The following RAB22A variants were observed in gnomAD, a reference collection of about 807,000 sequenced individuals.
RAB22A encodes RAB22A, member RAS oncogene family.
RAB22A carries 13 observed loss-of-function variants against 30.2 expected under a neutral mutation model. That is an observed-to-expected ratio of 0.43 (90% CI 0.28 to 0.68). The LOEUF (loss-of-function observed/expected upper bound fraction) is 0.68. RAB22A is among the 30% of genes least tolerant of loss of function. The probability of loss-of-function intolerance (pLI) is 0.18; values close to 1 mark genes in which losing one functional copy is unlikely to be tolerated. For missense variants in RAB22A, 177 were observed against 246.8 expected, an observed-to-expected ratio of 0.72 and a Z score of 1.89; for synonymous variants, 89 against 87.2, an observed-to-expected ratio of 1.02 and a Z score of -0.11.
intron 2 of RAB22A, among the ~76,000 whole-genome samples, chr20:58,324,371 A>G (rs1462286670): frequency 1.3e-5 from 2 of 152,068 alleles, no homozygotes; most frequent in African/African-American, 4.8e-5. Context: ...AAAGATGTTA[A>G]GATTCTATAC....
At chr20:58,327,806 C>T (rs1404760557) in intron 2 of RAB22A, among the ~76,000 whole-genome samples, 2 of 152,110 alleles carry the variant, frequency 1.3e-5, no homozygotes, top group Non-Finnish European at 2.9e-5. Flanking sequence ...CATTGATAAA[C>T]GTTTGACAAA....
At chr20:58,312,274 G>A (rs1002503646) in intron 2 of RAB22A, among the ~76,000 whole-genome samples, 14 of 145,890 alleles carry the variant, frequency 9.6e-5, no homozygotes, top group African/African-American at 2.3e-4. Flanking sequence ...AATATTTTTT[G>A]TCTGCTTTTT....
chr20:58,335,530 C>T (rs1321337761), intron 2 of RAB22A, among the ~76,000 whole-genome samples: 1 of 151,998 alleles, frequency 6.6e-6, no homozygotes, highest in African/African-American at 2.4e-5. Flanking sequence ...GTATGTATTG[C>T]CATCTGTGTT....
At position 58,363,556 on chromosome 20, in the gene RAB22A, T is replaced by C. The variant is rs376734017; in HGVS notation, c.*3853T>C. 9.8e-5 allele frequency: 15 copies of C among 152,354 alleles called. No homozygotes were observed. In the East Asian group the frequency reaches 2.9e-3, roughly 29 times the overall value. 9.4% of individuals were successfully genotyped at this position (152,354 alleles called of 1,614,324 possible). On this transcript the variant is annotated 3_prime_UTR_variant, in exon 7 of 7. Transcript: ENST00000244040. ...AACCTCACTGGGCTATAAATGTTCC[T>C]TCTAACTCTGTAATGAAAGTTCAGT...
rs879064296 is a variant in RAB22A, at chr20:58,311,031, G to A, written c.37-12G>A. On this transcript the variant is annotated splice_polypyrimidine_tract_variant and intron_variant, in intron 1 of 6. Coordinates refer to ENST00000244040, the MANE Select transcript of RAB22A (RefSeq NM_020673.3). ...AAACTTTTTCTCAGTCCCTCATCTC[G>A]TTCTCTTTCAGGATACAGGTGTAGG... is the stretch of plus-strand genomic sequence containing the variant. 2 of 1,586,132 alleles carry A rather than the reference G, an allele frequency of 1.3e-6. No homozygotes were observed. The highest frequency in any genetic ancestry group is 2.2e-5 in the East Asian group (1 of 44,738).
At chr20:58,349,544 G>C (rs1449895517) in intron 3 of RAB22A, among the ~76,000 whole-genome samples, 1 of 152,144 alleles carries the variant, frequency 6.6e-6, no homozygotes, top group Non-Finnish European at 1.5e-5. Context: ...AGCTGGCAAG[G>C]GTGACAAGAC....
At chr20:58,327,614 G>A (rs763423520) in intron 2 of RAB22A, among the ~76,000 whole-genome samples, 4 of 152,204 alleles carry the variant, frequency 2.6e-5, no homozygotes, top group Non-Finnish European at 5.9e-5. Flanking sequence ...ATCTACCATG[G>A]CTTCTGTTCA....
At chr20:58,325,045 C>T (rs1156411930) in intron 2 of RAB22A, among the ~76,000 whole-genome samples, 1 of 145,946 alleles carries the variant, frequency 6.9e-6, no homozygotes, top group Non-Finnish European at 1.5e-5. Context: ...TGTGGTGGTG[C>T]GTGCGCCTGT....
At chr20:58,355,499 G>T (rs964362824) in intron 6 of RAB22A, among the ~76,000 whole-genome samples, 2 of 152,128 alleles carry the variant, frequency 1.3e-5, no homozygotes, top group East Asian at 3.8e-4. Context: ...GCACCCTCTA[G>T]GCCAGCCCGT....
chr20:58,328,453 T>G (rs996785715), intron 2 of RAB22A, among the ~76,000 whole-genome samples: 2 of 152,166 alleles, frequency 1.3e-5, no homozygotes. Context: ...CAGATTGAAT[T>G]ACAGGTGTGA....
chr20:58,329,451 T>A (rs369187701), intron 2 of RAB22A, among the ~76,000 whole-genome samples: 6 of 152,222 alleles, frequency 3.9e-5, no homozygotes, highest in South Asian at 4.1e-4. Flanking sequence ...CTGGCCTTCG[T>A]TGTTTTTGTT....
intron 3 of RAB22A, among the ~76,000 whole-genome samples, chr20:58,350,346 G>C (rs1418309773): frequency 2.0e-5 from 3 of 152,214 alleles, no homozygotes; most frequent in Non-Finnish European, 4.4e-5. Context: ...TGGAGAGCCA[G>C]GAGGAGCAAA....
At position 58,324,488 on chromosome 20, in the gene RAB22A, C is replaced by T. The variant is rs150340999; in HGVS notation, c.116+13366C>T. ...TACTCCCATCTTTATTATTTTTGTC[C>T]TTATTCAATATGCTGTTCCTTTTCT... is the stretch of plus-strand genomic sequence containing the variant. On this transcript the variant is annotated intron_variant, in intron 2 of 6. Coordinates refer to ENST00000244040, the MANE Select transcript of RAB22A (RefSeq NM_020673.3). Among the ~76,000 whole-genome samples the T allele has an allele frequency of 3.9e-3, 586 of 152,188 alleles. 2 individuals are homozygous for T. The highest frequency in any genetic ancestry group is 0.013 in the African/African-American group (549 of 41,516).
chr20:58,361,376 C>A lies in RAB22A; in HGVS notation c.*1673C>A, dbSNP rs1273312924. On this transcript the variant is annotated 3_prime_UTR_variant, in exon 7 of 7. Coordinates refer to ENST00000244040, the MANE Select transcript of RAB22A (RefSeq NM_020673.3). ...AATTCAGATTAAATAAAAAACAATT[C>A]CCTTTTCCCTGTTGTATATCTTAAG... 6.6e-6 allele frequency: 1 copy of A among 152,290 alleles called. No homozygotes were observed. Among genetic ancestry groups the A allele is most frequent in the Non-Finnish European group, 1.5e-5 (1 of 68,010 alleles). 9.4% of individuals were successfully genotyped at this position (152,290 alleles called of 1,614,324 possible).
intron 2 of RAB22A, among the ~76,000 whole-genome samples, chr20:58,312,535 C>T (rs1208376636): frequency 8.9e-6 from 1 of 112,232 alleles, no homozygotes; most frequent in Non-Finnish European, 1.6e-5. Flanking sequence ...GTTGCCCAGG[C>T]TGGAGTGCAG....
At chr20:58,319,778 A>G (rs1295094914) in intron 2 of RAB22A, among the ~76,000 whole-genome samples, 1 of 152,204 alleles carries the variant, frequency 6.6e-6, no homozygotes, top group Admixed American at 6.5e-5. Context: ...TATAAATGCC[A>G]TTATCAGGTT....
chr20:58,315,309 T>C (rs1465515514), intron 2 of RAB22A, among the ~76,000 whole-genome samples: 1 of 152,192 alleles, frequency 6.6e-6, no homozygotes, highest in Non-Finnish European at 1.5e-5. Flanking sequence ...ACCTGTATAA[T>C]GTGACCTCCA....
intron 2 of RAB22A, among the ~76,000 whole-genome samples, chr20:58,336,600 C>T (rs1218222251): frequency 1.3e-5 from 2 of 152,008 alleles, no homozygotes; most frequent in Non-Finnish European, 2.9e-5. Flanking sequence ...AGGCAAGGCT[C>T]AGTTTAAAAA....
chr20:58,348,907 G>A (rs778940274), intron 3 of RAB22A, among the ~76,000 whole-genome samples: 19 of 152,206 alleles, frequency 1.2e-4, no homozygotes, highest in South Asian at 4.1e-4. Flanking sequence ...AGACAAGCTT[G>A]GTCTGTGGCT....
Sources: gnomAD v4.1 joint callset for allele counts (sites outside exome capture counted in the v4.1 genomes callset) on GRCh38, gnomAD v4.1.1 for gene constraint, MANE v1.5 for transcripts, NCBI Gene and HGNC (gene_info 2026-07-23, HGNC 2026-07-21) for gene names.